The following GAP43 variants were observed in gnomAD, a reference collection of about 807,000 sequenced individuals.
GAP43 encodes the protein growth associated protein 43.
In GAP43, 6 loss-of-function variants were observed where a neutral mutation model predicts 18.6. The ratio of observed to expected loss-of-function variants is 0.32; its 90% CI spans 0.18 to 0.64. The LOEUF is 0.64. Among genes scored for constraint, GAP43 ranks in the 30% least tolerant of loss-of-function variants. The pLI is 0.78. For missense variants in GAP43, 292 were observed against 295.5 expected, an observed-to-expected ratio of 0.99 and a Z score of 0.09; for synonymous variants, 115 against 111.4, an observed-to-expected ratio of 1.03 and a Z score of -0.20.
chr3:115,671,632 TCTTTA>T (rs922407931), intron 1 of GAP43, among the ~76,000 whole-genome samples: 1 of 152,252 alleles, frequency 6.6e-6, no homozygotes, highest in Non-Finnish European at 1.5e-5. Flanking sequence ...TGGAATGTCC[TCTTTA>T]CTTAATTCGC....
At chr3:115,706,785 CTCTT>C (rs1709369803) in intron 2 of GAP43, among the ~76,000 whole-genome samples, 2 of 152,122 alleles carry the variant, frequency 1.3e-5, no homozygotes, top group African/African-American at 4.8e-5. Flanking sequence ...AGAGACTCTT[CTCTT>C]TCTTTGTCAG....
At chr3:115,690,102 C>T (rs1036917358) in intron 2 of GAP43, among the ~76,000 whole-genome samples, 3 of 152,216 alleles carry the variant, frequency 2.0e-5, no homozygotes, top group Non-Finnish European at 2.9e-5. Flanking sequence ...CCAGCACTAG[C>T]GCTCTCTGTT....
At chr3:115,711,582 A>G (rs1369585849) in intron 2 of GAP43, among the ~76,000 whole-genome samples, 1 of 152,184 alleles carries the variant, frequency 6.6e-6, no homozygotes, top group Non-Finnish European at 1.5e-5. Flanking sequence ...ATTAGTTAAC[A>G]ACACTCACTA....
chr3:115,623,676 G>A lies in GAP43; in HGVS notation c.-14G>A. 2 of 1,614,118 alleles carry A rather than the reference G, an allele frequency of 1.2e-6. No individual in the cohort carries two copies. Among genetic ancestry groups the A allele is most frequent in the Admixed American group, 1.7e-5 (1 of 60,014 alleles). On this transcript the variant is annotated 5_prime_UTR_variant, in exon 1 of 3. Coordinates refer to ENST00000305124, the MANE Select transcript of GAP43 (RefSeq NM_002045.4). ...AGGAGAGAAGGCAGGAAGAAGGCAAGGGACGAGACAACCATGCTGTGCTGT... is the reference window on the plus strand; with the variant it reads ...AGGAGAGAAGGCAGGAAGAAGGCAAAGGACGAGACAACCATGCTGTGCTGT...
intron 1 of GAP43, among the ~76,000 whole-genome samples, chr3:115,640,964 T>G (rs1056001411): frequency 7.3e-6 from 1 of 137,726 alleles, no homozygotes; most frequent in African/African-American, 2.5e-5. Context: ...CCTCCCTCCT[T>G]CCCTTCCTTC....
intron 1 of GAP43, among the ~76,000 whole-genome samples, chr3:115,673,812 C>T (rs1708843514): frequency 6.6e-6 from 1 of 152,150 alleles, no homozygotes; most frequent in African/African-American, 2.4e-5. Context: ...TGGGCCTCTC[C>T]AAAGTGCTTT....
intron 1 of GAP43, among the ~76,000 whole-genome samples, chr3:115,641,352 G>A (rs1334725804): frequency 2.6e-5 from 4 of 151,538 alleles, no homozygotes; most frequent in South Asian, 2.1e-4. Flanking sequence ...GTGCGTGCAC[G>A]TGTATGTGTG....
At chr3:115,716,346 T>G (rs924970238) in intron 2 of GAP43, among the ~76,000 whole-genome samples, 3 of 152,146 alleles carry the variant, frequency 2.0e-5, no homozygotes, top group Admixed American at 6.6e-5. Flanking sequence ...TTCTGCTTTG[T>G]CAGAGGTTAA....
intron 2 of GAP43, among the ~76,000 whole-genome samples, chr3:115,706,842 G>T (rs1709370486): frequency 1.3e-5 from 2 of 152,278 alleles, no homozygotes; most frequent in Middle Eastern, 3.4e-3. Context: ...GTTATGATTG[G>T]ATAAGCATAA....
rs1325591384 is a variant in GAP43, at chr3:115,658,525, C to G, written c.31-17488C>G. 9.2e-5 allele frequency: 14 copies of G among 152,202 alleles called. 1 individual carries two copies. The highest frequency in any genetic ancestry group is 1.5e-5 in the Non-Finnish European group (1 of 68,068). 9.4% of individuals were successfully genotyped at this position (152,202 alleles called of 1,614,324 possible). On this transcript the variant is annotated intron_variant, in intron 1 of 2. Transcript: ENST00000305124. Reference sequence around the variant, plus strand: ...TGCCGTCAGTCACCGGCTCTCTGCGCCCCCACCCGCGCGGGCTCGCGGCCG... The same window carrying G: ...TGCCGTCAGTCACCGGCTCTCTGCGGCCCCACCCGCGCGGGCTCGCGGCCG...
chr3:115,625,054 G>T (rs933535818), intron 1 of GAP43, among the ~76,000 whole-genome samples: 6 of 152,022 alleles, frequency 3.9e-5, no homozygotes, highest in African/African-American at 1.5e-4. Context: ...TCCGAAGGGG[G>T]TGGAAGAGAG....
intron 2 of GAP43, among the ~76,000 whole-genome samples, chr3:115,677,903 A>G (rs897547214): frequency 2.0e-5 from 3 of 152,350 alleles, no homozygotes; most frequent in East Asian, 1.9e-4. Flanking sequence ...TATTCTAGAT[A>G]TTTTAGGTCT....
At chr3:115,669,122 C>T (rs1045447010) in intron 1 of GAP43, among the ~76,000 whole-genome samples, 13 of 151,042 alleles carry the variant, frequency 8.6e-5, no homozygotes, top group South Asian at 4.2e-4. Flanking sequence ...ATGACTCTAA[C>T]GAGTCAATAG....
At chr3:115,663,933 T>A (rs940557787) in intron 1 of GAP43, 1 of 1,551,682 alleles carries the variant, frequency 6.4e-7, no homozygotes, top group Non-Finnish European at 8.7e-7. Flanking sequence ...TTACCTCACA[T>A]GTAACCTATA....
chr3:115,645,926 G>GGATTTTTTA (rs1474317028), intron 1 of GAP43, among the ~76,000 whole-genome samples: 1 of 151,830 alleles, frequency 6.6e-6, no homozygotes, highest in Non-Finnish European at 1.5e-5. Flanking sequence ...GGAATTTTAG[G>GGATTTTTTA]GATTTTTTAG....
intron 1 of GAP43, among the ~76,000 whole-genome samples, chr3:115,632,164 A>C: frequency 6.7e-6 from 1 of 149,772 alleles, no homozygotes; most frequent in Non-Finnish European, 1.5e-5. Flanking sequence ...CTCTATACCC[A>C]CCCCCACTTC....
At chr3:115,632,518 A>G (rs1576976243) in intron 1 of GAP43, among the ~76,000 whole-genome samples, 1 of 152,304 alleles carries the variant, frequency 6.6e-6, no homozygotes, top group Admixed American at 6.5e-5. Context: ...GTCCCTGGGC[A>G]TGACTGGGAT....
chr3:115,718,687 C>A (rs1421682940), intron 2 of GAP43, among the ~76,000 whole-genome samples: 1 of 152,058 alleles, frequency 6.6e-6, no homozygotes, highest in Non-Finnish European at 1.5e-5. Flanking sequence ...GACTTTAAAA[C>A]CCTGGTCAAA....
intron 1 of GAP43, among the ~76,000 whole-genome samples, chr3:115,626,858 G>T: frequency 6.6e-6 from 1 of 152,052 alleles, no homozygotes. Flanking sequence ...CGACCTCTCT[G>T]CCTTTCCTTG....
Sources: gnomAD v4.1 joint callset for allele counts (sites outside exome capture counted in the v4.1 genomes callset) on GRCh38, gnomAD v4.1.1 for gene constraint, MANE v1.5 for transcripts, NCBI Gene and HGNC (gene_info 2026-07-23, HGNC 2026-07-21) for gene names.